The following KLHL32 variants were observed in gnomAD, a reference collection of about 807,000 sequenced individuals.
KLHL32 encodes the protein kelch-like protein 32.
In KLHL32, 35 loss-of-function variants were observed where a neutral mutation model predicts 64.8. That is an observed-to-expected ratio of 0.54 (90% CI 0.41 to 0.72). The LOEUF (loss-of-function observed/expected upper bound fraction) is 0.72. Ranked by LOEUF, KLHL32 falls within the 30% of genes least tolerant of loss-of-function variation. The pLI is 0.00. For synonymous variants in KLHL32, 259 were observed against 281.0 expected, an observed-to-expected ratio of 0.92 and a Z score of 0.78; for missense variants, 589 against 768.5, an observed-to-expected ratio of 0.77 and a Z score of 2.76.
intron 3 of KLHL32, among the ~76,000 whole-genome samples, chr6:97,023,289 C>G (rs1338413362): frequency 1.3e-5 from 2 of 152,106 alleles, no homozygotes; most frequent in Non-Finnish European, 2.9e-5. Context: ...GATCTTTCCC[C>G]TCTGGGGTTT....
intron 1 of KLHL32, among the ~76,000 whole-genome samples, chr6:96,934,964 G>A (rs756329408): frequency 1.3e-4 from 20 of 152,148 alleles, no homozygotes; most frequent in Non-Finnish European, 2.5e-4. Flanking sequence ...TTATTTTTGC[G>A]AGAGTTCAAA....
chr6:97,056,394 CAG>C (rs1317979269), intron 4 of KLHL32, among the ~76,000 whole-genome samples: 52 of 152,256 alleles, frequency 3.4e-4, no homozygotes, highest in African/African-American at 1.2e-3. Context: ...CGTGAGCCAC[CAG>C]GCCCGGCCCA....
At chr6:96,911,629 C>A in the KLHL32 span, among the ~76,000 whole-genome samples, 3 of 152,192 alleles carry the variant, frequency 2.0e-5, no homozygotes, top group South Asian at 6.2e-4. Context: ...TACTCCTCAC[C>A]CCAGGGCAAG....
At chr6:97,057,685 A>T (rs893244219) in intron 4 of KLHL32, among the ~76,000 whole-genome samples, 2 of 152,020 alleles carry the variant, frequency 1.3e-5, no homozygotes, top group African/African-American at 4.8e-5. Flanking sequence ...CTCTTAGCCT[A>T]TGGCTTGTCT....
the KLHL32 span, among the ~76,000 whole-genome samples, chr6:96,899,435 T>C: frequency 6.6e-6 from 1 of 152,162 alleles, no homozygotes; most frequent in Admixed American, 6.5e-5. Flanking sequence ...AAAGTGAAAA[T>C]CTCATTTTCA....
intron 8 of KLHL32, among the ~76,000 whole-genome samples, chr6:97,128,807 A>G (rs1285380698): frequency 6.6e-6 from 1 of 152,246 alleles, no homozygotes; most frequent in Admixed American, 6.5e-5. Flanking sequence ...CAGGCACTGC[A>G]GTGAAGGAAG....
chr6:97,005,555 C>T (rs117660763), intron 3 of KLHL32, among the ~76,000 whole-genome samples: 2,000 of 152,074 alleles, frequency 0.013, 29 homozygotes, highest in Middle Eastern at 0.024. Context: ...TTTCCTATTT[C>T]TTCTAGGTGT....
chr6:96,919,201 C>T, the KLHL32 span, among the ~76,000 whole-genome samples: 276 of 152,296 alleles, frequency 1.8e-3, no homozygotes, highest in African/African-American at 6.3e-3. Context: ...TTCTATGAGC[C>T]ACCAGTATCC....
At chr6:96,993,020 GC>G (rs1405358335) in intron 3 of KLHL32, among the ~76,000 whole-genome samples, 1 of 152,226 alleles carries the variant, frequency 6.6e-6, no homozygotes, top group Non-Finnish European at 1.5e-5. Context: ...GATGGAGAAA[GC>G]CGAATAAAGT....
At chr6:96,938,433 C>T (rs1351844169) in intron 1 of KLHL32, among the ~76,000 whole-genome samples, 2 of 152,298 alleles carry the variant, frequency 1.3e-5, no homozygotes, top group South Asian at 2.1e-4. Context: ...TTCTGGGCTC[C>T]ACCTTCCGGC....
rs571678528 is a variant in KLHL32 at position 97,087,295 on chromosome 6, A to G, written c.627+1954A>G. On this transcript the variant is annotated intron_variant, in intron 6 of 10. Coordinates refer to ENST00000369261, the MANE Select transcript of KLHL32 (RefSeq NM_052904.4). The stretch of plus-strand genomic sequence containing the variant: ...ATCAGACCGCTATTTTGCCTCAAGT[A>G]TAGTTAAGTTCATCATTTTTGCTGA... Among the ~76,000 whole-genome samples, 22 of 152,362 alleles carry G rather than the reference A, an allele frequency of 1.4e-4. No individual in the cohort carries two copies. In the South Asian group the frequency reaches 3.9e-3, roughly 27 times the overall value.
chr6:97,019,733 G>A (rs1001056938), intron 3 of KLHL32, among the ~76,000 whole-genome samples: 1 of 152,142 alleles, frequency 6.6e-6, no homozygotes, highest in African/African-American at 2.4e-5. Context: ...ATAATTGGAA[G>A]TAAATAAGCA....
intron 10 of KLHL32, 23 bp from the exon 11 acceptor site, chr6:97,139,098 C>A: frequency 1.3e-6 from 2 of 1,596,556 alleles, no homozygotes; most frequent in Non-Finnish European, 1.7e-6. Context: ...GATACACAAG[C>A]TTCTTCTCTT....
intron 4 of KLHL32, among the ~76,000 whole-genome samples, chr6:97,054,857 T>G (rs1195940023): frequency 6.6e-6 from 1 of 152,154 alleles, no homozygotes; most frequent in Non-Finnish European, 1.5e-5. Context: ...AAGAATTGCT[T>G]GAACCCGGGA....
At chr6:97,085,598 T>A (rs902657528) in intron 6 of KLHL32, among the ~76,000 whole-genome samples, 1 of 152,220 alleles carries the variant, frequency 6.6e-6, no homozygotes, top group Non-Finnish European at 1.5e-5. Flanking sequence ...TCCCAGAACC[T>A]AACGTGGTCA....
intron 3 of KLHL32, among the ~76,000 whole-genome samples, chr6:96,997,398 T>C (rs563551097): frequency 8.5e-5 from 13 of 152,216 alleles, no homozygotes; most frequent in African/African-American, 2.6e-4. Flanking sequence ...CACCCACATA[T>C]GTATGCATTG....
At chr6:96,976,653 C>G (rs768884303) in intron 3 of KLHL32, among the ~76,000 whole-genome samples, 25 of 152,146 alleles carry the variant, frequency 1.6e-4, no homozygotes, top group Non-Finnish European at 3.5e-4. Context: ...GCTGGAGTGC[C>G]AATGGCGCAA....
At chr6:97,068,644 T>C (rs557390729) in intron 5 of KLHL32, among the ~76,000 whole-genome samples, 1 of 152,360 alleles carries the variant, frequency 6.6e-6, no homozygotes, top group African/African-American at 2.4e-5. Context: ...TGTGGTCATT[T>C]ATCAGCACAC....
chr6:96,994,514 T>A (rs1778217322), intron 3 of KLHL32: 1 of 985,286 alleles, frequency 1.0e-6, no homozygotes, highest in African/African-American at 1.7e-5. Context: ...GCAGTTTATT[T>A]TGAAGCTCAA....
Sources: gnomAD v4.1 joint callset for allele counts (sites outside exome capture counted in the v4.1 genomes callset) on GRCh38, gnomAD v4.1.1 for gene constraint, MANE v1.5 for transcripts, NCBI Gene and HGNC (gene_info 2026-07-23, HGNC 2026-07-21) for gene names.